The following SH2D3C variants were observed in gnomAD, a reference collection of about 807,000 sequenced individuals.
The protein encoded by SH2D3C is SH2 domain containing 3C.
SH2D3C carries 25 observed loss-of-function variants against 75.2 expected under a neutral mutation model. The observed-to-expected ratio is 0.33, with a 90% CI of 0.24 to 0.46. The LOEUF (loss-of-function observed/expected upper bound fraction) is 0.46. Ranked by LOEUF, SH2D3C falls within the 20% of genes least tolerant of loss-of-function variation. The pLI is 1.00. For missense variants in SH2D3C, 933 were observed against 1,165.3 expected, an observed-to-expected ratio of 0.80 and a Z score of 2.90; for synonymous variants, 450 against 473.7, an observed-to-expected ratio of 0.95 and a Z score of 0.65.
chr9:127,775,794 G>C (rs774703015), intron 1 of SH2D3C, among the ~76,000 whole-genome samples: 3 of 151,720 alleles, frequency 2.0e-5, no homozygotes, highest in Non-Finnish European at 4.4e-5. Flanking sequence ...TGAGCAACAG[G>C]GCAAGAGCCT....
At chr9:127,763,391 C>T (rs557202844) in intron 2 of SH2D3C, among the ~76,000 whole-genome samples, 1 of 152,288 alleles carries the variant, frequency 6.6e-6, no homozygotes, top group East Asian at 1.9e-4. Flanking sequence ...CAGTCCCCAA[C>T]ACAGTGCCTG....
intron 3 of SH2D3C, among the ~76,000 whole-genome samples, chr9:127,757,659 T>TCA (rs1264982068): frequency 6.8e-6 from 1 of 147,662 alleles, no homozygotes; most frequent in African/African-American, 2.5e-5. Flanking sequence ...ATTATTATTA[T>TCA]TATTATTATT....
At chr9:127,748,454 G>T (rs1588499625) in intron 5 of SH2D3C, among the ~76,000 whole-genome samples, 1 of 152,302 alleles carries the variant, frequency 6.6e-6, no homozygotes, top group East Asian at 1.9e-4. Context: ...TTTGCAAACA[G>T]CCAGGGAAAC....
At chr9:127,761,170 A>G (rs1309164214) in intron 3 of SH2D3C, among the ~76,000 whole-genome samples, 1 of 152,196 alleles carries the variant, frequency 6.6e-6, no homozygotes, top group African/African-American at 2.4e-5. Context: ...CCCAGTACCC[A>G]GGATAAATGA....
intron 3 of SH2D3C, among the ~76,000 whole-genome samples, chr9:127,758,404 C>G (rs1222535618): frequency 1.3e-5 from 2 of 151,922 alleles, no homozygotes; most frequent in African/African-American, 4.8e-5. Context: ...TTTTTAAACC[C>G]TAAAAATAAA....
At chr9:127,767,456 G>A (rs1274680397) in intron 2 of SH2D3C, 5 of 312,620 alleles carry the variant, frequency 1.6e-5, no homozygotes, top group Admixed American at 1.3e-4. Flanking sequence ...TCCTTACATG[G>A]GCGGACTCCC....
At chr9:127,768,967 C>T (rs1845685298) in intron 2 of SH2D3C, among the ~76,000 whole-genome samples, 1 of 152,214 alleles carries the variant, frequency 6.6e-6, no homozygotes, top group African/African-American at 2.4e-5. Context: ...TTCTTTCTGG[C>T]TAACCTTCTT....
In SH2D3C at chr9:127,739,911, C is replaced by T. The variant is rs554981363; in HGVS notation, c.2201-23G>A. 1.2e-4 allele frequency: 173 copies of T among 1,496,258 alleles called. 1 individual carries two copies. Among genetic ancestry groups the T allele is most frequent in the Non-Finnish European group, 1.4e-4 (160 of 1,114,754 alleles). The allele number at this position is 1,496,258 out of a possible 1,614,324, so 92.7% of individuals were successfully genotyped here. On this transcript the variant is annotated intron_variant, in intron 10 of 11. Coordinates refer to ENST00000314830, the MANE Select transcript of SH2D3C (RefSeq NM_170600.3). This position sits in a 1 kb window ranked among gnomAD's most constrained non-coding sequence, Gnocchi z 4.3. ...CTTCTGCAAGGAGAAAGGCAGCAGG[C>T]GCTTAAAGATCCTGTAGTGCCCCAC...
rs564249856 is a variant in SH2D3C at position 127,772,836 on chromosome 9, C to CT, written c.515+1153dup. On this transcript the variant is annotated intron_variant, in intron 2 of 11. Coordinates refer to ENST00000314830, the MANE Select transcript of SH2D3C (RefSeq NM_170600.3). ...CTGTAAGTGGGGCTAATAATTGAAT[C>CT]TTTTTTTTTTTTTTCAAGACTGAGT... Among the ~76,000 whole-genome samples the CT allele has an allele frequency of 2.1e-3, 306 of 143,228 alleles. 1 individual carries two copies. The highest frequency in any genetic ancestry group is 6.5e-3 in the East Asian group (32 of 4,924). 94.0% of individuals were successfully genotyped at this position (143,228 alleles called of 152,430 possible).
intron 2 of SH2D3C, chr9:127,767,340 G>A (rs2131802553): frequency 4.9e-6 from 7 of 1,428,022 alleles, no homozygotes; most frequent in South Asian, 1.5e-5. Context: ...CCTGGATCTC[G>A]AAGCCCCATT....
chr9:127,754,624 C>T lies in SH2D3C; in HGVS notation c.556-3324G>A, dbSNP rs1564417887. Among the ~76,000 whole-genome samples, 1 of 152,152 alleles carries T rather than the reference C, an allele frequency of 6.6e-6. No individual in the cohort carries two copies. Among genetic ancestry groups the T allele is most frequent in the Non-Finnish European group, 1.5e-5 (1 of 67,998 alleles). ...AGGGTGGCGGGCGCTCTGGCCCCAACCCTGGCATCCGAAGCATCCCCCGCG... is the reference window on the plus strand; with the variant it reads ...AGGGTGGCGGGCGCTCTGGCCCCAATCCTGGCATCCGAAGCATCCCCCGCG... On this transcript the variant is annotated intron_variant, in intron 3 of 11. Transcript: ENST00000314830. This position sits in a 1 kb window ranked among gnomAD's most constrained non-coding sequence, Gnocchi z 4.4.
chr9:127,747,502 C>CT (rs1230207804), intron 5 of SH2D3C, among the ~76,000 whole-genome samples: 10 of 151,788 alleles, frequency 6.6e-5, no homozygotes, highest in African/African-American at 2.4e-4. Flanking sequence ...CGCCTGGTTT[C>CT]TTTTTTTCTT....
chr9:127,738,579 T>G lies in SH2D3C; in HGVS notation c.*167A>C. 3.4e-6 allele frequency: 2 copies of G among 592,070 alleles called. No homozygotes were observed. The highest frequency in any genetic ancestry group is 2.7e-6 in the Non-Finnish European group (1 of 373,378). The allele number at this position is 592,070 out of a possible 1,614,324, so 36.7% of individuals were successfully genotyped here. On this transcript the variant is annotated 3_prime_UTR_variant, in exon 12 of 12. Transcript: ENST00000314830. The surrounding 1 kb of genome is among the most constrained non-coding windows in gnomAD (Gnocchi z 5.0). The stretch of plus-strand genomic sequence containing the variant: ...CCTGGTGAGCATGTAGCAGGTGGGA[T>G]GGAACCCAGAGTCCACGCAGGACCC...
rs751806041 is a variant in SH2D3C, at chr9:127,742,883, G to T, written c.1882C>A (p.His628Asn). Residue 628 changes from histidine to asparagine, a missense_variant, in exon 8 of 12, where the codon CAT becomes AAT. Transcript: ENST00000314830. ...AGGTCTAGGCGTAGCTGCCGGCCAT[G>T]GGGGAGGGTGAGCAGTTCCATGCCC... ...RWGMELLTLP[H>N]GRQLRLDLLE... is the part of the protein sequence containing the mutation. 1.6e-5 allele frequency: 26 copies of T among 1,613,780 alleles called. No homozygotes were observed. The South Asian group carries it at 2.4e-4, about 15-fold the overall frequency.
At chr9:127,742,501 T>C (rs1419300378) in intron 8 of SH2D3C, among the ~76,000 whole-genome samples, 1 of 152,152 alleles carries the variant, frequency 6.6e-6, no homozygotes, top group East Asian at 1.9e-4. Context: ...CCTCCCAAAA[T>C]GCTGGGATTA....
rs780379479 is a variant in SH2D3C at position 127,747,128 on chromosome 9, C to A, written c.1264+19G>T. The stretch of plus-strand genomic sequence containing the variant: ...CAACAGATTCCCTCCACCTGCTCCA[C>A]CCCCTCTGCTGGCCATACCAGTGCT... On this transcript the variant is annotated intron_variant, in intron 6 of 11. Transcript: ENST00000314830. The A allele has an allele frequency of 1.3e-5, 21 of 1,609,686 alleles. No individual in the cohort carries two copies. The highest frequency in any genetic ancestry group is 1.2e-4 in the Admixed American group (7 of 58,902).
intron 7 of SH2D3C, 51 bp downstream of exon 7, chr9:127,744,513 C>T (rs1182000114): frequency 1.9e-6 from 3 of 1,545,288 alleles, no homozygotes; most frequent in South Asian, 2.5e-5. Flanking sequence ...CACTGCCCTG[C>T]CCCACAGAAC....
At chr9:127,743,647 C>CT (rs1437189608) in intron 7 of SH2D3C, among the ~76,000 whole-genome samples, 1 of 152,254 alleles carries the variant, frequency 6.6e-6, no homozygotes, top group Non-Finnish European at 1.5e-5. Flanking sequence ...TGGGTCCTCC[C>CT]TGCCACCCTG....
chr9:127,757,602 AGATGATGATGATGATGATGAT>A lies in SH2D3C; in HGVS notation c.555+3988_555+4008del, dbSNP rs140510163. ...ATTACAGGCATGCACCACCATACCC[AGATGATGATGATGATGATGAT>A]GATGATGATGATGATGATGATGATT... On this transcript the variant is annotated intron_variant, in intron 3 of 11. Transcript: ENST00000314830. Among the ~76,000 whole-genome samples, 135 of 138,416 alleles carry A rather than the reference AGATGATGATGATGATGATGAT, an allele frequency of 9.8e-4. 1 individual carries two copies. In the East Asian group the frequency reaches 0.011, roughly 11 times the overall value. The allele number at this position is 138,416 out of a possible 152,430, so 90.8% of individuals were successfully genotyped here. A position where few individuals can be genotyped will look rare whatever the true frequency, so the allele number is the denominator to read the frequency against.
Sources: gnomAD v4.1 joint callset for allele counts (sites outside exome capture counted in the v4.1 genomes callset) on GRCh38, gnomAD v4.1.1 for gene constraint, Gnocchi (gnomAD v3.1) non-coding constraint, MANE v1.5 for transcripts, NCBI Gene and HGNC (gene_info 2026-07-23, HGNC 2026-07-21) for gene names.